The following RAD51AP1 variants were observed in gnomAD, a reference collection of about 807,000 sequenced individuals.
The protein encoded by RAD51AP1 is RAD51 associated protein 1.
A neutral mutation model predicts 34.3 loss-of-function variants in RAD51AP1; 14 were observed. The observed-to-expected ratio is 0.41, with a 90% CI of 0.27 to 0.64. The LOEUF (loss-of-function observed/expected upper bound fraction) is 0.64. RAD51AP1 is among the 30% of genes least tolerant of loss of function. The pLI, the probability that RAD51AP1 is intolerant of heterozygous loss-of-function variation, is 0.33. For missense variants in RAD51AP1, 348 were observed against 386.9 expected (o/e 0.90, Z 0.84); for synonymous variants, 114 against 129.8 (o/e 0.88, Z 0.83).
At chr12:4,540,969 A>C (rs1944462510) in intron 1 of RAD51AP1, among the ~76,000 whole-genome samples, 1 of 152,230 alleles carries the variant, frequency 6.6e-6, no homozygotes, top group South Asian at 2.1e-4. Flanking sequence ...ACATTTAGCC[A>C]TTTGACAAAA....
At chr12:4,551,461 C>G (rs1480290363) in intron 6 of RAD51AP1, among the ~76,000 whole-genome samples, 1 of 147,302 alleles carries the variant, frequency 6.8e-6, no homozygotes, top group African/African-American at 2.5e-5. Context: ...TGCCACTGCA[C>G]TCCAGCCTGG....
chr12:4,559,498 TA>T lies in RAD51AP1; in HGVS notation c.*509del. On this transcript the variant is annotated 3_prime_UTR_variant, in exon 9 of 9. Transcript: ENST00000352618. ...ACAAACTTAGAATTATTTTACACACTAAAATGGTTGCAGTTTTATGGCATAT... is the reference window on the plus strand; with the variant it reads ...ACAAACTTAGAATTATTTTACACACTAAATGGTTGCAGTTTTATGGCATAT... The T allele has an allele frequency of 6.6e-6, 1 of 152,416 alleles. No individual in the cohort carries two copies. The highest frequency in any genetic ancestry group is 6.5e-5 in the Admixed American group (1 of 15,312). 9.4% of individuals were successfully genotyped at this position (152,416 alleles called of 1,614,324 possible). A position where few individuals can be genotyped will look rare whatever the true frequency, so the allele number is the denominator to read the frequency against.
At chr12:4,542,068 A>G in intron 2 of RAD51AP1, 135 bp downstream of exon 2, 1 of 439,320 alleles carries the variant, frequency 2.3e-6, no homozygotes, top group Admixed American at 3.5e-5. Flanking sequence ...TAGTTTTCTA[A>G]TCATTTGGGA....
chr12:4,540,906 A>G (rs867465550), intron 1 of RAD51AP1, among the ~76,000 whole-genome samples: 3 of 152,178 alleles, frequency 2.0e-5, no homozygotes, highest in Admixed American at 2.0e-4. Context: ...CCTCTTTTTC[A>G]TAGAACATTC....
rs954542577 is a variant in RAD51AP1, at chr12:4,559,795, A to G, written c.*802A>G. 6.6e-6 allele frequency: 1 copy of G among 152,182 alleles called. No homozygotes were observed. The highest frequency in any genetic ancestry group is 2.1e-4 in the South Asian group (1 of 4,828). 9.4% of individuals were successfully genotyped at this position (152,182 alleles called of 1,614,324 possible). On this transcript the variant is annotated 3_prime_UTR_variant, in exon 9 of 9. Transcript: ENST00000352618. ...AGTTGTCAAGTACTTAGTCATCCCT[A>G]TTATGATATGAGATAGTACAGCTTT...
At chr12:4,558,498 G>C (rs986539599) in intron 8 of RAD51AP1, among the ~76,000 whole-genome samples, 1 of 152,252 alleles carries the variant, frequency 6.6e-6, no homozygotes, top group Non-Finnish European at 1.5e-5. Flanking sequence ...AGGACTACTT[G>C]TAAAAATTGC....
chr12:4,553,859 T>C (rs1441031777), intron 7 of RAD51AP1, among the ~76,000 whole-genome samples: 7 of 152,214 alleles, frequency 4.6e-5, no homozygotes, highest in African/African-American at 1.7e-4. Context: ...TCTTGGTTTA[T>C]TTAATATATA....
rs766590782 is a variant in RAD51AP1 at position 4,558,925 on chromosome 12, A to G, written c.940A>G (p.Ser314Gly). 1 of 1,614,176 alleles carries G rather than the reference A, an allele frequency of 6.2e-7. No homozygotes were observed. The highest frequency in any genetic ancestry group is 2.2e-5 in the East Asian group (1 of 44,880). Residue 314 changes from serine (S) to glycine (G), a missense_variant, in exon 9 of 9, where the codon AGT (serine) becomes GGT (glycine). By Grantham distance (56) the Ser-to-Gly change is moderately conservative. Coordinates refer to ENST00000352618, the MANE Select transcript of RAD51AP1 (RefSeq NM_006479.5). ...AGTGTCTGTGAAGTCTCCCAATCAG[A>G]GTCTCCGCCTTGGCTTGTCCAGATT... ...VVVSVKSPNQ[S>G]LRLGLSRLAR...
chr12:4,541,106 A>G (rs1470917960), intron 1 of RAD51AP1, among the ~76,000 whole-genome samples: 1 of 152,196 alleles, frequency 6.6e-6, no homozygotes, highest in Non-Finnish European at 1.5e-5. Context: ...TGAGCATCCC[A>G]AATTTGAAAT....
chr12:4,547,883 A>G (rs914445340), intron 4 of RAD51AP1, among the ~76,000 whole-genome samples: 3 of 152,248 alleles, frequency 2.0e-5, no homozygotes, highest in African/African-American at 7.2e-5. Context: ...TAGCCAGTTT[A>G]CATGGTAGAG....
At chr12:4,554,876 A>G (rs1294536054) in intron 7 of RAD51AP1, among the ~76,000 whole-genome samples, 1 of 152,224 alleles carries the variant, frequency 6.6e-6, no homozygotes, top group South Asian at 2.1e-4. Flanking sequence ...TGGCTATATT[A>G]CATTTGAATT....
chr12:4,556,505 A>G lies in RAD51AP1; in HGVS notation c.871+3A>G. ...GAAACCTAAATGGGTCCCACCAGGT[A>G]TGGCATATTTATCATCAAGGACAGG... is the stretch of plus-strand genomic sequence containing the variant. On this transcript the variant is annotated splice_donor_region_variant and intron_variant, in intron 8 of 8. Transcript: ENST00000352618. 1 of 1,611,758 alleles carries G rather than the reference A, an allele frequency of 6.2e-7. No homozygotes were observed.
chr12:4,555,634 G>T (rs1413373638), intron 7 of RAD51AP1, among the ~76,000 whole-genome samples: 2 of 152,124 alleles, frequency 1.3e-5, no homozygotes. Context: ...CAGTACTACT[G>T]ATTCTGGAAC....
At chr12:4,542,825 G>C (rs1445515776) in intron 2 of RAD51AP1, among the ~76,000 whole-genome samples, 2 of 152,206 alleles carry the variant, frequency 1.3e-5, no homozygotes, top group Non-Finnish European at 1.5e-5. Context: ...AACTACAACA[G>C]TTCAGAGGAT....
At chr12:4,548,890 T>G in intron 6 of RAD51AP1, 54 bp downstream of exon 6, 1 of 1,578,172 alleles carries the variant, frequency 6.3e-7, no homozygotes. Flanking sequence ...TCAAAAAAGT[T>G]CTTGGAAGCT....
Position 4,546,326 on chromosome 12 carries a change from A to G in RAD51AP1, c.227A>G (p.Lys76Arg), listed in dbSNP as rs1944505746. 1.2e-6 allele frequency: 2 copies of G among 1,609,478 alleles called. No homozygotes were observed. Among genetic ancestry groups the G allele is most frequent in the South Asian group, 1.1e-5 (1 of 90,442 alleles). The change falls in exon 4 of 9, where the codon AAG (lysine) becomes AGG (arginine). Residue 76 changes from lysine to arginine, a missense_variant. Coordinates refer to ENST00000352618, the MANE Select transcript of RAD51AP1 (RefSeq NM_006479.5). ...TATTTTAGGATGGCTTTAGATGACA[A>G]GCTCTACCAGAGAGACTTAGAAGTT... is the stretch of plus-strand genomic sequence containing the variant. ...TPKKRMALDD[K>R]LYQRDLEVAL...
chr12:4,544,662 G>C (rs1233441527), intron 3 of RAD51AP1, among the ~76,000 whole-genome samples: 1 of 152,098 alleles, frequency 6.6e-6, no homozygotes, highest in Non-Finnish European at 1.5e-5. Flanking sequence ...CCACACGTGG[G>C]AGAAAATATT....
In RAD51AP1 at chr12:4,557,151, T is replaced by G. The variant is rs1007380763; in HGVS notation, c.871+649T>G. 1.1e-4 allele frequency among the ~76,000 whole-genome samples: 16 copies of G among 152,332 alleles called. No homozygotes were observed. In the South Asian group the frequency reaches 2.9e-3, roughly 28 times the overall value. ...CATCCACCTGCATGAACCGTCCACT[T>G]CAGTGAAATTGAAACACTTTTTGTC... On this transcript the variant is annotated intron_variant, in intron 8 of 8. Coordinates refer to ENST00000352618, the MANE Select transcript of RAD51AP1 (RefSeq NM_006479.5).
intron 2 of RAD51AP1, 37 bp downstream of exon 2, chr12:4,541,970 G>T: frequency 7.3e-7 from 1 of 1,375,382 alleles, no homozygotes; most frequent in South Asian, 1.6e-5. Context: ...TAAAGATTTG[G>T]AAACTCATTT....
Sources: allele counts gnomAD v4.1 joint callset (sites outside exome capture counted in the v4.1 genomes callset), GRCh38; gene constraint gnomAD v4.1.1; transcripts MANE v1.5; gene names NCBI Gene and HGNC (gene_info 2026-07-23, HGNC 2026-07-21).